Variants in CPLANE1 observed in about 807,000 individuals in gnomAD.
CPLANE1 encodes the protein ciliogenesis and planar polarity effector 1.
In CPLANE1, 263 loss-of-function variants were observed where a neutral mutation model predicts 362.5. The observed-to-expected ratio is 0.73, with a 90% CI of 0.66 to 0.80. The LOEUF (loss-of-function observed/expected upper bound fraction) is 0.80. Ranked by LOEUF, CPLANE1 falls within the 30% of genes least tolerant of loss-of-function variation. The pLI is 0.00. For missense variants in CPLANE1, 3,461 were observed against 3,793.4 expected (o/e 0.91, Z 2.30); for synonymous variants, 1,212 against 1,302.6 (o/e 0.93, Z 1.50).
chr5:37,169,449 G>C lies in CPLANE1; in HGVS notation c.6575C>G (p.Ala2192Gly). 1.9e-6 allele frequency: 3 copies of C among 1,614,216 alleles called. No individual in the cohort carries two copies. Among genetic ancestry groups the C allele is most frequent in the East Asian group, 2.2e-5 (1 of 44,876 alleles). Residue 2192 changes from alanine (A) to glycine (G), a missense_variant, in exon 34 of 53, where the codon GCT (alanine) becomes GGT (glycine). Ala to Gly is a moderately conservative substitution (Grantham distance 60). Around this residue, in one of 2 missense-constraint regions of CPLANE1, gnomAD observed 3,380 missense variants for 3,666.1 expected, o/e 0.92. Transcript: ENST00000651892. ...LPSTSFYPAPAGNTHLYLLST... is the reference protein window; with the variant it reads ...LPSTSFYPAPGGNTHLYLLST... ...CAAAAGGTAGAGGTGAGTATTTCCAGCAGGAGCTGGATAAAACGAAGTGGA... is the reference window on the plus strand; with the variant it reads ...CAAAAGGTAGAGGTGAGTATTTCCACCAGGAGCTGGATAAAACGAAGTGGA...
At chr5:37,243,822 A>G (rs1179009665) in intron 5 of CPLANE1, among the ~76,000 whole-genome samples, 1 of 147,016 alleles carries the variant, frequency 6.8e-6, no homozygotes, top group Non-Finnish European at 1.5e-5. Flanking sequence ...TATACGATAT[A>G]TATTATATAC....
chr5:37,103,004 T>C (rs116769796), downstream of CPLANE1, among the ~76,000 whole-genome samples: 2,175 of 152,306 alleles, frequency 0.014, 26 homozygotes, highest in Middle Eastern at 0.027. Context: ...AAGTGTCCAG[T>C]ATTACTGTGT....
chr5:37,228,810 T>A (rs1194477137), intron 9 of CPLANE1, among the ~76,000 whole-genome samples: 1 of 151,958 alleles, frequency 6.6e-6, no homozygotes, highest in East Asian at 1.9e-4. Flanking sequence ...ACTTTCATAA[T>A]CAGAAAAAAA....
At chr5:37,082,420 C>T in the CPLANE1 span, among the ~76,000 whole-genome samples, 4 of 152,166 alleles carry the variant, frequency 2.6e-5, no homozygotes, top group African/African-American at 7.2e-5. Context: ...TCACACTACC[C>T]GATCCCAAGA....
Position 37,142,477 on chromosome 5 carries a change from C to T in CPLANE1, c.8465G>A (p.Arg2822His), listed in dbSNP as rs752905880. 10 of 1,577,392 alleles carry T rather than the reference C, an allele frequency of 6.3e-6. No homozygotes were observed. The highest frequency in any genetic ancestry group is 2.3e-5 in the East Asian group (1 of 43,478). ...SKTISISEEVRFLTHMDEEDQ... is the reference protein window; with the variant it reads ...SKTISISEEVHFLTHMDEEDQ... Reference sequence around the variant, plus strand: ...TTCTTCATCCATATGGGTCAAAAAACGCACTAATCCAGAGTATATATTACA... The same window carrying T: ...TTCTTCATCCATATGGGTCAAAAAATGCACTAATCCAGAGTATATATTACA... The change falls in exon 44 of 53, where the codon CGT becomes CAT. Residue 2822 changes from arginine to histidine, a missense_variant. By Grantham distance (29) the Arg-to-His change is conservative (BLOSUM62 0). Coordinates refer to ENST00000651892, the MANE Select transcript of CPLANE1 (RefSeq NM_001384732.1).
At position 37,142,301 on chromosome 5, in the gene CPLANE1, G is replaced by A; in HGVS notation, c.8632+9C>T. The A allele has an allele frequency of 6.5e-7, 1 of 1,542,606 alleles. No individual in the cohort carries two copies. Among genetic ancestry groups the A allele is most frequent in the Non-Finnish European group, 8.7e-7 (1 of 1,150,516 alleles). On this transcript the variant is annotated intron_variant, in intron 44 of 52. Coordinates refer to ENST00000651892, the MANE Select transcript of CPLANE1 (RefSeq NM_001384732.1). ...GAGTATGTGTAAATGAAAAAGTAAA[G>A]AACAATACCAGGAGAAGTAGTATTC...
At chr5:37,230,298 A>C (rs1797460452) in intron 9 of CPLANE1, among the ~76,000 whole-genome samples, 1 of 151,878 alleles carries the variant, frequency 6.6e-6, no homozygotes. Context: ...TCTTGATCTG[A>C]CTCCAAAGCC....
chr5:37,175,255 T>C (rs1248716514), intron 31 of CPLANE1, among the ~76,000 whole-genome samples: 4 of 152,164 alleles, frequency 2.6e-5, no homozygotes, highest in African/African-American at 9.7e-5. Flanking sequence ...GAGCTGTAGG[T>C]ACAGCTGGAT....
rs111364113 is a variant in CPLANE1, at chr5:37,211,691, C to T, written c.2920+1868G>A. 70 of 784,550 alleles carry T rather than the reference C, an allele frequency of 8.9e-5. No homozygotes were observed. In the African/African-American group the frequency reaches 8.9e-4, roughly 10 times the overall value. The allele number at this position is 784,550 out of a possible 1,614,324, so 48.6% of individuals were successfully genotyped here. A position where few individuals can be genotyped will look rare whatever the true frequency, so the allele number is the denominator to read the frequency against. Reference sequence around the variant, plus strand: ...CTGACAGAATGCCCCCGCCATCACCCGCTGAGTCTAGGCACAACCTCTCCA... The same window carrying T: ...CTGACAGAATGCCCCCGCCATCACCTGCTGAGTCTAGGCACAACCTCTCCA... On this transcript the variant is annotated intron_variant, in intron 16 of 52. Coordinates refer to ENST00000651892, the MANE Select transcript of CPLANE1 (RefSeq NM_001384732.1).
intron 20 of CPLANE1, among the ~76,000 whole-genome samples, chr5:37,197,009 C>T (rs369065269): frequency 9.3e-5 from 14 of 151,152 alleles, no homozygotes; most frequent in African/African-American, 2.2e-4. Context: ...GATTAATGAC[C>T]GGGTTACAGG....
At chr5:37,179,914 C>G in intron 28 of CPLANE1, 103 bp downstream of exon 28, 1 of 661,672 alleles carries the variant, frequency 1.5e-6, no homozygotes, top group Non-Finnish European at 2.5e-6. Flanking sequence ...CTACTGTAAA[C>G]ATACTAACTT....
intron 43 of CPLANE1, among the ~76,000 whole-genome samples, chr5:37,143,447 G>A (rs575360183): frequency 6.6e-6 from 1 of 152,232 alleles, no homozygotes; most frequent in South Asian, 2.1e-4. Context: ...CATCCAAAGA[G>A]CAGATAGATT....
chr5:37,245,416 G>C, intron 4 of CPLANE1, 63 bp downstream of exon 4: 1 of 1,296,466 alleles, frequency 7.7e-7, no homozygotes, highest in Non-Finnish European at 9.9e-7. Flanking sequence ...ACAGAAAAAT[G>C]TTTCATCCTC....
intron 16 of CPLANE1, chr5:37,211,484 TAAA>T (rs1365598697): frequency 7.2e-7 from 1 of 1,385,752 alleles, no homozygotes; most frequent in East Asian, 2.3e-5. Context: ...TGGGCACACT[TAAA>T]GAAGAAAGGA....
chr5:37,080,220 C>A, the CPLANE1 span, among the ~76,000 whole-genome samples: 1 of 152,204 alleles, frequency 6.6e-6, no homozygotes, highest in Non-Finnish European at 1.5e-5. Flanking sequence ...AAGACAGTCA[C>A]CCCCAATAGA....
At chr5:37,153,601 T>C (rs1774187171) in intron 42 of CPLANE1, 139 bp downstream of exon 42, 4 of 792,432 alleles carry the variant, frequency 5.0e-6, no homozygotes, top group Admixed American at 2.9e-5. Flanking sequence ...CAAATGTCAA[T>C]AGTGCTGAGG....
At chr5:37,148,655 C>T (rs1179268787) in intron 42 of CPLANE1, among the ~76,000 whole-genome samples, 1 of 152,156 alleles carries the variant, frequency 6.6e-6, no homozygotes, top group Non-Finnish European at 1.5e-5. Flanking sequence ...CCAGAGTATC[C>T]CTGGGCCTCT....
chr5:37,209,736 A>G lies in CPLANE1; in HGVS notation c.2921-3311T>C. On this transcript the variant is annotated intron_variant, in intron 16 of 52. Coordinates refer to ENST00000651892, the MANE Select transcript of CPLANE1 (RefSeq NM_001384732.1). This position sits in a 1 kb window ranked among gnomAD's most constrained non-coding sequence, Gnocchi z 4.6. ...AATCAACCCTACTTCCAGTCTGTAC[A>G]AATCACTGGTTTCAGGAGCTGATAA... is the stretch of plus-strand genomic sequence containing the variant. 1 of 1,215,786 alleles carries G rather than the reference A, an allele frequency of 8.2e-7. No homozygotes were observed. The allele number at this position is 1,215,786 out of a possible 1,614,324, so 75.3% of individuals were successfully genotyped here. A position where few individuals can be genotyped will look rare whatever the true frequency, so the allele number is the denominator to read the frequency against.
chr5:37,183,655 G>T lies in CPLANE1; in HGVS notation c.4526C>A (p.Thr1509Asn). The T allele has an allele frequency of 6.2e-7, 1 of 1,607,498 alleles. No individual in the cohort carries two copies. Among genetic ancestry groups the T allele is most frequent in the Non-Finnish European group, 8.5e-7 (1 of 1,178,170 alleles). Residue 1509 changes from threonine (T) to asparagine (N), a missense_variant, in exon 26 of 53, where the codon ACT becomes AAT. Physicochemically the swap from Thr to Asn is moderately conservative, Grantham distance 65. Around this residue, in one of 2 missense-constraint regions of CPLANE1, gnomAD observed 3,380 missense variants for 3,666.1 expected, o/e 0.92. Transcript: ENST00000651892. The stretch of plus-strand genomic sequence containing the variant: ...CTGATTACACATTTTCCTTTTATCA[G>T]TTGGCTTATGAATTGATGTTAATTC... Reference protein sequence around the residue: ...HMELTSIHKPTDKRKMCNQKE... With the variant: ...HMELTSIHKPNDKRKMCNQKE...
Sources: gnomAD v4.1 joint callset for allele counts (sites outside exome capture counted in the v4.1 genomes callset) on GRCh38, gnomAD v4.1.1 for gene constraint, gnomAD v4.1.1 regional missense constraint, Gnocchi (gnomAD v3.1) non-coding constraint, MANE v1.5 for transcripts, NCBI Gene and HGNC (gene_info 2026-07-23, HGNC 2026-07-21) for gene names.